ESYT2: variants seen among roughly 807,000 people sequenced by gnomAD.
The protein encoded by ESYT2 is extended synaptotagmin-2.
ESYT2 carries 54 observed loss-of-function variants against 107.2 expected under a neutral mutation model. That is an observed-to-expected ratio of 0.50 (90% CI 0.40 to 0.63). The LOEUF (loss-of-function observed/expected upper bound fraction) is 0.63, where lower values mean the gene tolerates loss of function less well. Among genes scored for constraint, ESYT2 ranks in the 30% least tolerant of loss-of-function variants. The pLI is 0.00. For synonymous variants in ESYT2, 491 were observed against 434.1 expected, an observed-to-expected ratio of 1.13 and a Z score of -1.63; for missense variants, 1,020 against 1,094.5, an observed-to-expected ratio of 0.93 and a Z score of 0.96.
intron 13 of ESYT2, among the ~76,000 whole-genome samples, chr7:158,757,559 A>C (rs1463236414): frequency 1.5e-4 from 23 of 151,754 alleles, no homozygotes; most frequent in Admixed American, 1.5e-3. Context: ...ACGCCCCTTA[A>C]TCCAGCGCCA....
At chr7:158,767,585 T>G in intron 8 of ESYT2, 69 bp downstream of exon 8, 2 of 1,565,858 alleles carry the variant, frequency 1.3e-6, no homozygotes, top group South Asian at 2.4e-5. Flanking sequence ...CAGCACCCAA[T>G]GCCACACCCG....
At chr7:158,786,308 T>C (rs1040299156) in intron 6 of ESYT2, among the ~76,000 whole-genome samples, 2 of 152,216 alleles carry the variant, frequency 1.3e-5, no homozygotes, top group African/African-American at 4.8e-5. Flanking sequence ...AAAATGTCCC[T>C]GGCTAAAGAT....
At chr7:158,796,830 G>A (rs1031353579) in intron 3 of ESYT2, among the ~76,000 whole-genome samples, 17 of 151,918 alleles carry the variant, frequency 1.1e-4, no homozygotes, top group Non-Finnish European at 2.1e-4. Flanking sequence ...CACTGCAGGC[G>A]AGAGGGCAAC....
intron 19 of ESYT2, among the ~76,000 whole-genome samples, chr7:158,738,096 C>G (rs1329793509): frequency 6.6e-6 from 1 of 152,044 alleles, no homozygotes; most frequent in African/African-American, 2.4e-5. Context: ...TGGCTTCCAC[C>G]TATAGTCCCA....
chr7:158,781,179 GAACA>G (rs760203235), intron 6 of ESYT2, among the ~76,000 whole-genome samples: 6 of 151,938 alleles, frequency 3.9e-5, no homozygotes, highest in Non-Finnish European at 7.4e-5. Context: ...GAGTGTGAGA[GAACA>G]AATGAGAACA....
At chr7:158,774,678 C>A (rs1361978212) in intron 6 of ESYT2, among the ~76,000 whole-genome samples, 2 of 152,230 alleles carry the variant, frequency 1.3e-5, no homozygotes, top group African/African-American at 4.8e-5. Flanking sequence ...AAGGGCATCA[C>A]AACAGGATTC....
rs142005653 is a variant in ESYT2, at chr7:158,788,170, G to A, written c.658-77C>T. The A allele has an allele frequency of 4.9e-5, 64 of 1,308,406 alleles. 1 individual carries two copies. Among genetic ancestry groups the A allele is most frequent in the East Asian group, 2.6e-4 (11 of 43,120 alleles). The allele number at this position is 1,308,406 out of a possible 1,614,324, so 81.0% of individuals were successfully genotyped here. A position where few individuals can be genotyped will look rare whatever the true frequency, so the allele number is the denominator to read the frequency against. ...CGCTTAACGCAAGGAGTTTGCATGCGAATCTTAGTAACTTTTGAGCATGTG... is the reference window on the plus strand; with the variant it reads ...CGCTTAACGCAAGGAGTTTGCATGCAAATCTTAGTAACTTTTGAGCATGTG... On this transcript the variant is annotated intron_variant, in intron 5 of 22. Coordinates refer to ENST00000275418, the MANE Select transcript of ESYT2 (RefSeq NM_001367773.1).
At chr7:158,801,437 G>A (rs574877098) in intron 1 of ESYT2, among the ~76,000 whole-genome samples, 3 of 152,280 alleles carry the variant, frequency 2.0e-5, no homozygotes, top group South Asian at 2.1e-4. Flanking sequence ...AATCTGTTAC[G>A]AAATTTTAAA....
chr7:158,822,210 C>T (rs1237566287), intron 1 of ESYT2, among the ~76,000 whole-genome samples: 1 of 152,054 alleles, frequency 6.6e-6, no homozygotes, highest in Non-Finnish European at 1.5e-5. Context: ...CGACAAAAGA[C>T]CACAATGTAT....
At chr7:158,737,629 A>G (rs961997413) in intron 19 of ESYT2, among the ~76,000 whole-genome samples, 3 of 152,132 alleles carry the variant, frequency 2.0e-5, no homozygotes, top group African/African-American at 7.2e-5. Context: ...TTGCTGACTG[A>G]CCACAAAGTC....
chr7:158,790,068 C>G (rs977324061), intron 4 of ESYT2, among the ~76,000 whole-genome samples: 6 of 152,104 alleles, frequency 3.9e-5, no homozygotes, highest in Non-Finnish European at 8.8e-5. Flanking sequence ...GGGGGCGGAG[C>G]GTCCTCCTGG....
chr7:158,788,333 C>G lies in ESYT2; in HGVS notation c.657+12G>C, dbSNP rs771155167. On this transcript the variant is annotated intron_variant, in intron 5 of 22. Transcript: ENST00000275418. ...AAACTGTCAAATTAAAACAAAAAAACAAAAAACTTACCTGGATACTTTTCA... is the reference window on the plus strand; with the variant it reads ...AAACTGTCAAATTAAAACAAAAAAAGAAAAAACTTACCTGGATACTTTTCA... 1 of 1,593,412 alleles carries G rather than the reference C, an allele frequency of 6.3e-7. No homozygotes were observed. Among genetic ancestry groups the G allele is most frequent in the Non-Finnish European group, 8.5e-7 (1 of 1,173,994 alleles).
intron 6 of ESYT2, among the ~76,000 whole-genome samples, chr7:158,782,371 T>G: frequency 9.1e-6 from 1 of 110,210 alleles, no homozygotes; most frequent in African/African-American, 3.8e-5. Context: ...TGAACGAGTG[T>G]GAGAACAAAG....
At chr7:158,777,952 T>C (rs961132314) in intron 6 of ESYT2, among the ~76,000 whole-genome samples, 1 of 152,154 alleles carries the variant, frequency 6.6e-6, no homozygotes, top group Non-Finnish European at 1.5e-5. Flanking sequence ...GACAGGCTTA[T>C]TTTTCACAGG....
intron 7 of ESYT2, among the ~76,000 whole-genome samples, chr7:158,769,436 C>T (rs949214569): frequency 1.2e-4 from 18 of 152,296 alleles, no homozygotes; most frequent in African/African-American, 3.1e-4. Flanking sequence ...CCCCTCACTG[C>T]GCCTCCTCAC....
At chr7:158,816,121 T>C (rs1840144167) in intron 1 of ESYT2, among the ~76,000 whole-genome samples, 1 of 152,178 alleles carries the variant, frequency 6.6e-6, no homozygotes, top group Non-Finnish European at 1.5e-5. Context: ...CCATCTCCAG[T>C]ATCCTTAAAA....
intron 15 of ESYT2, among the ~76,000 whole-genome samples, chr7:158,748,941 T>C (rs1837496917): frequency 1.3e-5 from 2 of 151,872 alleles, no homozygotes; most frequent in Non-Finnish European, 2.9e-5. Context: ...GTAATAGCCA[T>C]ACCCTCTTTT....
At chr7:158,812,809 T>A (rs770402717) in intron 1 of ESYT2, among the ~76,000 whole-genome samples, 1 of 152,120 alleles carries the variant, frequency 6.6e-6, no homozygotes, top group Non-Finnish European at 1.5e-5. Context: ...CTAAGCTAAC[T>A]GAAAGAAGCC....
chr7:158,760,176 A>G, intron 11 of ESYT2, 29 bp from the exon 12 acceptor site: 1 of 1,599,548 alleles, frequency 6.3e-7, no homozygotes, highest in Non-Finnish European at 8.6e-7. Context: ...TACGTTCAGC[A>G]AAAGTTCTTC....
Sources: gnomAD v4.1 joint callset for allele counts (sites outside exome capture counted in the v4.1 genomes callset) on GRCh38, gnomAD v4.1.1 for gene constraint, MANE v1.5 for transcripts, NCBI Gene and HGNC (gene_info 2026-07-23, HGNC 2026-07-21) for gene names.